Variants in TTBK2 observed in about 807,000 individuals in gnomAD.
The protein encoded by TTBK2 is tau-tubulin kinase 2.
Under a neutral mutation model 110.8 loss-of-function variants are expected in TTBK2, and 28 were observed. The observed-to-expected ratio is 0.25, with a 90% CI of 0.19 to 0.35. The LOEUF (loss-of-function observed/expected upper bound fraction) is 0.35, where lower values mean the gene tolerates loss of function less well. Among genes scored for constraint, TTBK2 ranks in the 10% least tolerant of loss-of-function variants. The probability of loss-of-function intolerance (pLI) is 1.00; values close to 1 mark genes in which losing one functional copy is unlikely to be tolerated. For synonymous variants in TTBK2, 532 were observed against 527.3 expected, an observed-to-expected ratio of 1.01 and a Z score of -0.12; for missense variants, 1,369 against 1,500.3, an observed-to-expected ratio of 0.91 and a Z score of 1.45.
chr15:42,795,119 A>G (rs1259407054), intron 9 of TTBK2, among the ~76,000 whole-genome samples: 2 of 152,198 alleles, frequency 1.3e-5, no homozygotes, highest in African/African-American at 4.8e-5. Flanking sequence ...ATTCAATTGA[A>G]CCATCTATTT....
Position 42,886,376 on chromosome 15 carries a change from A to T in TTBK2, c.-67-7692T>A, listed in dbSNP as rs574816517. On this transcript the variant is annotated intron_variant, in intron 1 of 14. Coordinates refer to ENST00000267890, the MANE Select transcript of TTBK2 (RefSeq NM_173500.4). ...AAGAGGTGGCTGGAGCTAAAGGCAT[A>T]CTCAAGGTTAATGCTCCTTTTTTCT... is the stretch of plus-strand genomic sequence containing the variant. Among the ~76,000 whole-genome samples the T allele has an allele frequency of 3.7e-4, 57 of 152,182 alleles. No individual in the cohort carries two copies. In the South Asian group the frequency reaches 0.012, roughly 32 times the overall value.
At chr15:42,895,781 C>T (rs186503533) in intron 1 of TTBK2, among the ~76,000 whole-genome samples, 202 of 152,096 alleles carry the variant, frequency 1.3e-3, no homozygotes, top group African/African-American at 4.8e-3. Context: ...TTGTGATCTG[C>T]CCACCTCAGC....
intron 13 of TTBK2, among the ~76,000 whole-genome samples, chr15:42,756,682 G>T (rs979342947): frequency 1.3e-5 from 2 of 151,930 alleles, no homozygotes; most frequent in African/African-American, 4.8e-5. Flanking sequence ...TTAGATTCAG[G>T]ATATAAATGT....
chr15:42,755,011 GAAAAAAA>G (rs71431863), intron 13 of TTBK2, among the ~76,000 whole-genome samples: 12 of 69,848 alleles, frequency 1.7e-4, no homozygotes, highest in South Asian at 7.3e-4. Flanking sequence ...TCCATCTCAG[GAAAAAAA>G]AAAAAAAAAA....
At chr15:42,827,237 G>A (rs1892572553) in intron 6 of TTBK2, among the ~76,000 whole-genome samples, 1 of 152,092 alleles carries the variant, frequency 6.6e-6, no homozygotes, top group African/African-American at 2.4e-5. Flanking sequence ...AGGGAGGGAG[G>A]AAGAACGGAA....
chr15:42,748,618 G>A (rs909499314), intron 14 of TTBK2, among the ~76,000 whole-genome samples: 2 of 151,832 alleles, frequency 1.3e-5, no homozygotes, highest in Non-Finnish European at 2.9e-5. Flanking sequence ...TCACCATGTT[G>A]CCCAGGCTGG....
chr15:42,765,654 A>G (rs1889331052), intron 13 of TTBK2, among the ~76,000 whole-genome samples: 1 of 152,214 alleles, frequency 6.6e-6, no homozygotes, highest in African/African-American at 2.4e-5. Flanking sequence ...GGTGTACCTG[A>G]AAGTGATGGG....
chr15:42,874,613 G>T (rs920540559), intron 2 of TTBK2, among the ~76,000 whole-genome samples: 1 of 149,228 alleles, frequency 6.7e-6, no homozygotes, highest in Admixed American at 6.7e-5. Context: ...CACCACACCC[G>T]GCCGATCCTG....
chr15:42,755,948 C>G (rs1002110389), intron 13 of TTBK2, among the ~76,000 whole-genome samples: 2 of 152,186 alleles, frequency 1.3e-5, no homozygotes, highest in Non-Finnish European at 2.9e-5. Flanking sequence ...ATAATCCCAG[C>G]GCTCTGGGGG....
chr15:42,763,167 T>TATATATAC (rs1889143070), intron 13 of TTBK2, among the ~76,000 whole-genome samples: 1 of 13,974 alleles, frequency 7.2e-5, no homozygotes, highest in African/African-American at 3.4e-4. Context: ...CATATATATA[T>TATATATAC]ATATATATAT....
At chr15:42,768,913 A>C (rs545366770) in intron 13 of TTBK2, among the ~76,000 whole-genome samples, 4 of 152,202 alleles carry the variant, frequency 2.6e-5, no homozygotes, top group Non-Finnish European at 5.9e-5. Context: ...CAAAACAGAT[A>C]CATAGACCAA....
intron 13 of TTBK2, among the ~76,000 whole-genome samples, chr15:42,755,394 G>A (rs1472378454): frequency 1.3e-5 from 2 of 152,062 alleles, no homozygotes; most frequent in South Asian, 2.1e-4. Flanking sequence ...GTGGTTCCAG[G>A]GTCAGCTAAG....
chr15:42,883,753 T>A (rs1326653575), intron 1 of TTBK2, among the ~76,000 whole-genome samples: 1 of 152,102 alleles, frequency 6.6e-6, no homozygotes, highest in Admixed American at 6.5e-5. Context: ...TGTAATTACC[T>A]TAAGTATAAA....
chr15:42,854,493 C>A (rs536959611), intron 3 of TTBK2, among the ~76,000 whole-genome samples: 1 of 152,132 alleles, frequency 6.6e-6, no homozygotes, highest in East Asian at 1.9e-4. Context: ...TCTGTCATAA[C>A]GTTGGTGAGG....
At chr15:42,919,204 A>G (rs1387137397) in intron 1 of TTBK2, among the ~76,000 whole-genome samples, 1 of 152,212 alleles carries the variant, frequency 6.6e-6, no homozygotes, top group Admixed American at 6.5e-5. Flanking sequence ...ACATTATTTG[A>G]AACATTTTTT....
chr15:42,893,424 A>C (rs1895541526), intron 1 of TTBK2, among the ~76,000 whole-genome samples: 1 of 152,122 alleles, frequency 6.6e-6, no homozygotes. Flanking sequence ...TAAGCACAGA[A>C]GGTTGAGGCT....
intron 3 of TTBK2, among the ~76,000 whole-genome samples, chr15:42,870,324 G>A (rs949982849): frequency 2.0e-5 from 3 of 152,140 alleles, no homozygotes; most frequent in African/African-American, 7.2e-5. Context: ...AATATGGGGT[G>A]AAATGCTAAG....
intron 6 of TTBK2, among the ~76,000 whole-genome samples, chr15:42,825,150 G>A (rs766383401): frequency 6.6e-6 from 1 of 152,000 alleles, no homozygotes; most frequent in Non-Finnish European, 1.5e-5. Context: ...AGAGGGAAAG[G>A]AATATGAGAG....
intron 11 of TTBK2, among the ~76,000 whole-genome samples, chr15:42,781,064 TAAC>T (rs1357497722): frequency 4.6e-5 from 7 of 152,004 alleles, no homozygotes; most frequent in Non-Finnish European, 8.8e-5. Flanking sequence ...ATACTCCACT[TAAC>T]AACAGTCACA....
Sources: allele counts gnomAD v4.1 joint callset (sites outside exome capture counted in the v4.1 genomes callset), GRCh38; gene constraint gnomAD v4.1.1; transcripts MANE v1.5; gene names NCBI Gene and HGNC (gene_info 2026-07-23, HGNC 2026-07-21).